Variants in DMXL2 observed in about 807,000 individuals in gnomAD.
DMXL2 encodes Dmx like 2, also known as dmX-like protein 2.
A neutral mutation model predicts 331.1 loss-of-function variants in DMXL2; 103 were observed. The ratio of observed to expected loss-of-function variants is 0.31; its 90% CI spans 0.27 to 0.37. The LOEUF (loss-of-function observed/expected upper bound fraction) is 0.37. Ranked by LOEUF, DMXL2 falls within the 10% of genes least tolerant of loss-of-function variation. The pLI, the probability that DMXL2 is intolerant of heterozygous loss-of-function variation, is 1.00. For synonymous variants in DMXL2, 1,281 were observed against 1,252.1 expected (o/e 1.02, Z -0.49); for missense variants, 3,171 against 3,642.9 (o/e 0.87, Z 3.33).
intron 1 of DMXL2, among the ~76,000 whole-genome samples, chr15:51,606,362 A>T (rs973034144): frequency 6.6e-6 from 1 of 151,942 alleles, no homozygotes; most frequent in African/African-American, 2.4e-5. Context: ...ATGCCCAGCT[A>T]ATTTCGTATT....
Position 51,565,112 on chromosome 15 carries a change from A to G in DMXL2, c.340T>C (p.Tyr114His). Residue 114 changes from tyrosine to histidine, a missense_variant, in exon 4 of 44, where the codon TAC becomes CAC. By Grantham distance (83) the Tyr-to-His change is moderately conservative. Coordinates refer to ENST00000560891, the MANE Select transcript of DMXL2 (RefSeq NM_001378457.1). ...TGQFFLSSVT[Y>H]NLAWDPQDNR... The stretch of plus-strand genomic sequence containing the variant: ...CCTTGAGGATCCCATGCTAAGTTGT[A>G]TGTCACAGAACTCAAAAAAAACTGC... The G allele has an allele frequency of 6.3e-7, 1 of 1,575,526 alleles. No homozygotes were observed. Among genetic ancestry groups the G allele is most frequent in the South Asian group, 1.2e-5 (1 of 82,678 alleles).
intron 33 of DMXL2, 124 bp downstream of exon 33, chr15:51,463,255 T>C (rs2271675): frequency 0.018 from 10,574 of 601,292 alleles, 276 homozygotes; most frequent in East Asian, 0.083. Context: ...CACGGTAGTT[T>C]AGTGAACTTT....
intron 19 of DMXL2, among the ~76,000 whole-genome samples, chr15:51,493,086 C>T (rs796773352): frequency 2.6e-5 from 4 of 151,998 alleles, no homozygotes; most frequent in African/African-American, 9.7e-5. Flanking sequence ...GTCTTGGCTG[C>T]CACTATAAAT....
rs781053158 is a variant in DMXL2 at position 51,456,342 on chromosome 15, T to G, written c.8365A>C (p.Lys2789Gln). The G allele has an allele frequency of 6.3e-7, 1 of 1,593,248 alleles. No individual in the cohort carries two copies. Among genetic ancestry groups the G allele is most frequent in the Non-Finnish European group, 8.5e-7 (1 of 1,171,952 alleles). ...VLMKRNLHNV[K>Q]RMTSHPVHQY... ...TGGACTGGGTGTGAAGTCATTCTCT[T>G]AACATTATGTAGATTCCTTTTCATA... Residue 2789 changes from lysine (K) to glutamine (Q), a missense_variant, in exon 38 of 44, where the codon AAG becomes CAG. Lys to Gln is a moderately conservative substitution (Grantham distance 53). This residue lies in a region of DMXL2 where 766 missense variants were observed against 940.5 expected (regional missense o/e 0.81). Transcript: ENST00000560891.
At chr15:51,502,342 G>GTGTGTGTGTGTGTGTGTGTGTGTGTGTGT (rs767248212) in intron 17 of DMXL2, among the ~76,000 whole-genome samples, 3 of 150,416 alleles carry the variant, frequency 2.0e-5, no homozygotes, top group East Asian at 3.9e-4. Context: ...GTGTGTGTAT[G>GTGTGTGTGTGTGTGTGTGTGTGTGTGTGT]GAGTCTCACT....
intron 6 of DMXL2, among the ~76,000 whole-genome samples, chr15:51,547,992 C>T (rs2048982775): frequency 1.3e-5 from 2 of 152,034 alleles, no homozygotes; most frequent in South Asian, 4.1e-4. Flanking sequence ...GCTCTTGGGC[C>T]ACAGTTCTCC....
Position 51,466,290 on chromosome 15 carries a change from T to C in DMXL2, c.7414A>G (p.Ser2472Gly), listed in dbSNP as rs2040562345. The C allele has an allele frequency of 7.0e-7, 1 of 1,428,564 alleles. No individual in the cohort carries two copies. The highest frequency in any genetic ancestry group is 1.7e-5 in the South Asian group (1 of 57,920). 88.5% of individuals were successfully genotyped at this position (1,428,564 alleles called of 1,614,324 possible). A position where few individuals can be genotyped will look rare whatever the true frequency, so the allele number is the denominator to read the frequency against. ...TCATCAGAATCATATATAACACCAC[T>C]ATCAGACAAAGGAAGAAATGGCTGC... ...VAKPFLPLSD[S>G]GVIYDSDESI... The change falls in exon 30 of 44, where the codon AGT becomes GGT. Residue 2472 changes from serine (S) to glycine (G), a missense_variant. Coordinates refer to ENST00000560891, the MANE Select transcript of DMXL2 (RefSeq NM_001378457.1).
intron 22 of DMXL2, among the ~76,000 whole-genome samples, chr15:51,487,550 C>T (rs1440335733): frequency 6.6e-6 from 1 of 152,108 alleles, no homozygotes; most frequent in African/African-American, 2.4e-5. Context: ...CTCCGCCTCT[C>T]GGGTTCAAGT....
At chr15:51,595,275 T>A (rs562984481) in intron 1 of DMXL2, among the ~76,000 whole-genome samples, 2 of 152,152 alleles carry the variant, frequency 1.3e-5, no homozygotes, top group Non-Finnish European at 2.9e-5. Flanking sequence ...TATATACCAA[T>A]AACAGACAAA....
rs568821358 is a variant in DMXL2, at chr15:51,461,409, G to A, written c.7927-1749C>T. 2.0e-5 allele frequency among the ~76,000 whole-genome samples: 3 copies of A among 152,332 alleles called. No individual in the cohort carries two copies. The East Asian group carries it at 5.8e-4, about 29-fold the overall frequency. On this transcript the variant is annotated intron_variant, in intron 33 of 43. Coordinates refer to ENST00000560891, the MANE Select transcript of DMXL2 (RefSeq NM_001378457.1). ...ACTCTACACTCTGACAAGTCAACCA[G>A]TCAAGCTGCTATCAACCTTACCAAT...
At chr15:51,556,298 G>A (rs1285250791) in intron 6 of DMXL2, among the ~76,000 whole-genome samples, 31 of 144,796 alleles carry the variant, frequency 2.1e-4, no homozygotes, top group African/African-American at 7.8e-4. Flanking sequence ...AGCCGAGATC[G>A]CGCCACTGCA....
In DMXL2 at chr15:51,456,045, C is replaced by T. The variant is rs201262141; in HGVS notation, c.8526+21G>A. On this transcript the variant is annotated intron_variant, in intron 39 of 43. Coordinates refer to ENST00000560891, the MANE Select transcript of DMXL2 (RefSeq NM_001378457.1). The stretch of plus-strand genomic sequence containing the variant: ...CACAACTATTTTCAGATGAATTCAG[C>T]AGTAGCCCCCAGAAACTAACCTTGT... 1.7e-5 allele frequency: 28 copies of T among 1,612,438 alleles called. No homozygotes were observed. In the African/African-American group the frequency reaches 3.6e-4, roughly 21 times the overall value.
chr15:51,527,321 A>G (rs187442482), intron 13 of DMXL2, among the ~76,000 whole-genome samples: 2 of 152,214 alleles, frequency 1.3e-5, no homozygotes, highest in Non-Finnish European at 2.9e-5. Flanking sequence ...AAGGATAACT[A>G]AAAACTTTTT....
intron 20 of DMXL2, among the ~76,000 whole-genome samples, chr15:51,490,257 G>C (rs1567020573): frequency 6.6e-6 from 1 of 152,164 alleles, no homozygotes; most frequent in Non-Finnish European, 1.5e-5. Context: ...ATGCACACCA[G>C]AATCATGGGA....
chr15:51,496,732 G>A (rs570432630), intron 18 of DMXL2, among the ~76,000 whole-genome samples: 1 of 152,318 alleles, frequency 6.6e-6, no homozygotes, highest in South Asian at 2.1e-4. Flanking sequence ...TTGGATTCTG[G>A]ATATTAATAG....
At chr15:51,505,759 T>C (rs570574243) in intron 16 of DMXL2, among the ~76,000 whole-genome samples, 1 of 152,314 alleles carries the variant, frequency 6.6e-6, no homozygotes, top group South Asian at 2.1e-4. Flanking sequence ...AACAAAAAAG[T>C]ACAAATTATT....
intron 13 of DMXL2, among the ~76,000 whole-genome samples, chr15:51,522,595 TATC>T (rs2140745795): frequency 6.6e-6 from 1 of 152,228 alleles, no homozygotes; most frequent in South Asian, 2.1e-4. Flanking sequence ...AGTGAGCTGA[TATC>T]ATGCCACTGC....
intron 13 of DMXL2, among the ~76,000 whole-genome samples, chr15:51,525,305 C>A (rs1212576672): frequency 1.3e-5 from 2 of 152,022 alleles, no homozygotes; most frequent in East Asian, 3.9e-4. Context: ...TGAGGTGAGA[C>A]TCGGCACATT....
At position 51,571,200 on chromosome 15, in the gene DMXL2, T is replaced by C. The variant is rs143142484; in HGVS notation, c.214-2642A>G. Among the ~76,000 whole-genome samples the C allele has an allele frequency of 5.0e-4, 76 of 152,262 alleles. No individual in the cohort carries two copies. The East Asian group carries it at 0.011, about 23-fold the overall frequency. ...AAAAGAGACAAAGAAGGCCATTACA[T>C]AATGGTAAAGGGATCAATTCAACGA... On this transcript the variant is annotated intron_variant, in intron 2 of 43. Coordinates refer to ENST00000560891, the MANE Select transcript of DMXL2 (RefSeq NM_001378457.1).
Sources: allele counts gnomAD v4.1 joint callset (sites outside exome capture counted in the v4.1 genomes callset), GRCh38; gene constraint gnomAD v4.1.1; regional missense constraint gnomAD v4.1.1; transcripts MANE v1.5; gene names NCBI Gene and HGNC (gene_info 2026-07-23, HGNC 2026-07-21).